Variants in BCR observed in about 807,000 individuals in gnomAD.
BCR encodes the protein BCR activator of RhoGEF and GTPase.
In BCR, 58 loss-of-function variants were observed where a neutral mutation model predicts 138.6. The observed-to-expected ratio is 0.42, with a 90% CI of 0.34 to 0.52. The LOEUF is 0.52. BCR is among the 20% of genes least tolerant of loss of function. The probability of loss-of-function intolerance (pLI) is 0.06; values close to 1 mark genes in which losing one functional copy is unlikely to be tolerated. For synonymous variants in BCR, 786 were observed against 730.1 expected (o/e 1.08, Z -1.23); for missense variants, 1,599 against 1,727.2 (o/e 0.93, Z 1.32).
intron 16 of BCR, among the ~76,000 whole-genome samples, chr22:23,296,839 T>G (rs573594680): frequency 1.3e-5 from 2 of 152,342 alleles, no homozygotes; most frequent in South Asian, 4.1e-4. Flanking sequence ...ACTGTCTTGT[T>G]CACTCTGCCA....
At chr22:23,258,122 C>T (rs200274188) in intron 2 of BCR, among the ~76,000 whole-genome samples, 1 of 152,068 alleles carries the variant, frequency 6.6e-6, no homozygotes, top group Non-Finnish European at 1.5e-5. Context: ...GATGGCTGTC[C>T]CCCCCACACA....
intron 1 of BCR, among the ~76,000 whole-genome samples, chr22:23,205,345 C>T (rs1239147399): frequency 1.3e-5 from 2 of 152,194 alleles, no homozygotes; most frequent in African/African-American, 4.8e-5. Flanking sequence ...ATTTGGTGGG[C>T]CTGTCTCAAG....
At chr22:23,188,854 G>A (rs187914625) in intron 1 of BCR, among the ~76,000 whole-genome samples, 2 of 151,342 alleles carry the variant, frequency 1.3e-5, no homozygotes, top group Non-Finnish European at 2.9e-5. Flanking sequence ...TTTTATTATT[G>A]TAAAATTCAT....
intron 1 of BCR, among the ~76,000 whole-genome samples, chr22:23,192,950 C>T (rs1195395661): frequency 6.6e-6 from 1 of 152,128 alleles, no homozygotes; most frequent in Non-Finnish European, 1.5e-5. Context: ...CCAGGCAAAG[C>T]CAGGACACAG....
chr22:23,280,436 G>C (rs2073630706), intron 8 of BCR, among the ~76,000 whole-genome samples: 1 of 152,212 alleles, frequency 6.6e-6, no homozygotes, highest in South Asian at 2.1e-4. Context: ...GTAGAGTCCT[G>C]GTGAGGAGTG....
At chr22:23,212,565 G>A (rs1044737991) in intron 1 of BCR, among the ~76,000 whole-genome samples, 2 of 152,210 alleles carry the variant, frequency 1.3e-5, no homozygotes, top group African/African-American at 4.8e-5. Context: ...GGGGCCTGGG[G>A]CAGCCTCCTC....
intron 4 of BCR, among the ~76,000 whole-genome samples, chr22:23,266,001 T>G (rs1407208785): frequency 1.3e-5 from 2 of 152,234 alleles, no homozygotes; most frequent in Non-Finnish European, 2.9e-5. Context: ...GATCATGTTA[T>G]GTACTTGGTT....
intron 1 of BCR, among the ~76,000 whole-genome samples, chr22:23,225,747 C>G (rs1382844718): frequency 6.6e-6 from 1 of 152,172 alleles, no homozygotes; most frequent in Non-Finnish European, 1.5e-5. Context: ...CTCCTGCATC[C>G]CAGCTCTTCT....
chr22:23,238,308 A>G (rs1602051007), intron 1 of BCR, among the ~76,000 whole-genome samples: 1 of 152,174 alleles, frequency 6.6e-6, no homozygotes, highest in East Asian at 1.9e-4. Flanking sequence ...CACATAATCC[A>G]TGTGCACAGA....
At chr22:23,304,568 C>T (rs899974039) in intron 16 of BCR, among the ~76,000 whole-genome samples, 4 of 152,104 alleles carry the variant, frequency 2.6e-5, no homozygotes, top group Non-Finnish European at 5.9e-5. Context: ...TCTATATGGA[C>T]GTATGTTTTC....
chr22:23,206,941 TCCTCCCTCCCTCCCTCCCTC>T (rs933721388), intron 1 of BCR, among the ~76,000 whole-genome samples: 1 of 29,968 alleles, frequency 3.3e-5, no homozygotes, highest in Non-Finnish European at 7.6e-5. Context: ...ATCCATTCAT[TCCTCCCTCCCTCCCTCCCTC>T]CCTCCCTCCC....
chr22:23,299,727 T>C (rs192867663), intron 16 of BCR, among the ~76,000 whole-genome samples: 23 of 150,370 alleles, frequency 1.5e-4, no homozygotes, highest in Admixed American at 1.1e-3. Context: ...TAGTAAAATA[T>C]ATATTGGCAC....
chr22:23,275,157 CT>C (rs2073561486), intron 8 of BCR, among the ~76,000 whole-genome samples: 2 of 152,192 alleles, frequency 1.3e-5, no homozygotes, highest in Admixed American at 6.5e-5. Flanking sequence ...CCGAGTTGAC[CT>C]TTAGTGAGGG....
At chr22:23,203,086 C>T (rs2072575237) in intron 1 of BCR, among the ~76,000 whole-genome samples, 1 of 152,088 alleles carries the variant, frequency 6.6e-6, no homozygotes. Flanking sequence ...TCTTAAACTC[C>T]TGGGCTCAAA....
At chr22:23,233,698 A>G (rs760286953) in intron 1 of BCR, among the ~76,000 whole-genome samples, 22 of 151,876 alleles carry the variant, frequency 1.4e-4, no homozygotes, top group Non-Finnish European at 1.9e-4. Context: ...GCTGAGGCAC[A>G]AGAATCGCTT....
chr22:23,192,516 A>G (rs531422419), intron 1 of BCR, among the ~76,000 whole-genome samples: 1 of 152,196 alleles, frequency 6.6e-6, no homozygotes, highest in Non-Finnish European at 1.5e-5. Context: ...AAGTGCCATG[A>G]TAGAAATCAA....
chr22:23,212,379 G>A (rs1405218661), intron 1 of BCR, among the ~76,000 whole-genome samples: 1 of 152,172 alleles, frequency 6.6e-6, no homozygotes, highest in African/African-American at 2.4e-5. Flanking sequence ...GCTGACAGGT[G>A]CCCCTGGGAA....
At chr22:23,200,706 A>G (rs2072543201) in intron 1 of BCR, among the ~76,000 whole-genome samples, 1 of 152,082 alleles carries the variant, frequency 6.6e-6, no homozygotes, top group Non-Finnish European at 1.5e-5. Context: ...CGGCAGGCAC[A>G]TGCCACCATG....
chr22:23,192,183 T>G (rs2072423932), intron 1 of BCR, among the ~76,000 whole-genome samples: 1 of 152,288 alleles, frequency 6.6e-6, no homozygotes, highest in South Asian at 2.1e-4. Context: ...TCTTGTAAAG[T>G]GGCTGGAGCA....
Sources: allele counts gnomAD v4.1 joint callset (sites outside exome capture counted in the v4.1 genomes callset), GRCh38; gene constraint gnomAD v4.1.1; transcripts MANE v1.5; gene names NCBI Gene and HGNC (gene_info 2026-07-23, HGNC 2026-07-21).